Variants in PPP4R1 observed in about 807,000 individuals in gnomAD.
PPP4R1 encodes protein phosphatase 4 regulatory subunit 1, also known as serine/threonine-protein phosphatase 4 regulatory subunit 1.
PPP4R1 carries 42 observed loss-of-function variants against 111.2 expected under a neutral mutation model. The ratio of observed to expected loss-of-function variants is 0.38; its 90% CI spans 0.29 to 0.49. PPP4R1 has a LOEUF of 0.49. Ranked by LOEUF, PPP4R1 falls within the 20% of genes least tolerant of loss-of-function variation. The probability of loss-of-function intolerance (pLI) is 0.97; values close to 1 mark genes in which losing one functional copy is unlikely to be tolerated. For missense variants in PPP4R1, 1,012 were observed against 1,161.6 expected, an observed-to-expected ratio of 0.87 and a Z score of 1.87; for synonymous variants, 409 against 405.5, an observed-to-expected ratio of 1.01 and a Z score of -0.10.
intron 16 of PPP4R1, among the ~76,000 whole-genome samples, chr18:9,552,509 G>C (rs1043707893): frequency 6.6e-6 from 1 of 152,126 alleles, no homozygotes; most frequent in African/African-American, 2.4e-5. Flanking sequence ...TTAAAATTTA[G>C]TAGAAAAATA....
chr18:9,550,020 T>A (rs752358313), intron 18 of PPP4R1, 32 bp downstream of exon 18: 2 of 1,613,486 alleles, frequency 1.2e-6, no homozygotes, highest in South Asian at 2.2e-5. Flanking sequence ...GGAGAAAAAC[T>A]CACAAACAGG....
chr18:9,548,280 TAC>T (rs2066430701), intron 19 of PPP4R1, among the ~76,000 whole-genome samples: 1 of 139,114 alleles, frequency 7.2e-6, no homozygotes. Flanking sequence ...AAACACCAAC[TAC>T]AAAAAAAAAA....
At chr18:9,613,781 C>T (rs2067628000) in intron 2 of PPP4R1, 1 of 152,696 alleles carries the variant, frequency 6.5e-6, no homozygotes, top group African/African-American at 2.4e-5. Flanking sequence ...CAGGCTGACC[C>T]CCGGGCGCTC....
In PPP4R1 at chr18:9,614,147, G is replaced by A. The variant is rs1224111905; in HGVS notation, c.52+79C>T. The A allele has an allele frequency of 9.3e-6, 11 of 1,180,980 alleles. No individual in the cohort carries two copies. The highest frequency in any genetic ancestry group is 1.6e-5 in the African/African-American group (1 of 61,128). The allele number at this position is 1,180,980 out of a possible 1,614,324, so 73.2% of individuals were successfully genotyped here. On this transcript the variant is annotated intron_variant, in intron 2 of 19. Coordinates refer to ENST00000400556, the MANE Select transcript of PPP4R1 (RefSeq NM_001042388.3). This position sits in a 1 kb window ranked among gnomAD's most constrained non-coding sequence, Gnocchi z 4.1. ...CCGTCCCCTCAGCCAGCCAGGGCCCGGCCCAGGCCTCGCCGCCGCCCGCCC... is the reference window on the plus strand; with the variant it reads ...CCGTCCCCTCAGCCAGCCAGGGCCCAGCCCAGGCCTCGCCGCCGCCCGCCC...
intron 11 of PPP4R1, 114 bp from the exon 12 acceptor site, chr18:9,563,664 T>A: frequency 9.9e-7 from 1 of 1,013,292 alleles, no homozygotes; most frequent in East Asian, 2.9e-5. Flanking sequence ...TTTTTGACAC[T>A]GCAATCAAAA....
chr18:9,552,169 A>G (rs2066499743), intron 16 of PPP4R1, among the ~76,000 whole-genome samples: 1 of 152,200 alleles, frequency 6.6e-6, no homozygotes, highest in Admixed American at 6.5e-5. Flanking sequence ...TATAATCCAG[A>G]ATATATAAAG....
At chr18:9,577,294 T>C (rs961147125) in intron 9 of PPP4R1, 103 bp from the exon 10 acceptor site, 49 of 1,250,488 alleles carry the variant, frequency 3.9e-5, no homozygotes, top group Admixed American at 5.8e-5. Flanking sequence ...TGCCGAAGTA[T>C]GTTTAGGATA....
intron 9 of PPP4R1, 54 bp downstream of exon 9, chr18:9,583,063 C>T: frequency 6.9e-7 from 1 of 1,444,250 alleles, no homozygotes; most frequent in Non-Finnish European, 9.3e-7. Context: ...ATTATGTTTG[C>T]TTTAAAACGG....
chr18:9,563,213 G>A, intron 12 of PPP4R1, 165 bp downstream of exon 12: 1 of 1,196,976 alleles, frequency 8.4e-7, no homozygotes, highest in Non-Finnish European at 1.1e-6. Flanking sequence ...AATGTCACGA[G>A]GACAGGATGT....
At chr18:9,614,938 C>G (rs1259311124), upstream of PPP4R1, 1 of 151,866 alleles carries the variant, frequency 6.6e-6, no homozygotes, top group South Asian at 2.1e-4. This position sits in a 1 kb window ranked among gnomAD's most constrained non-coding sequence, Gnocchi z 4.1. Context: ...TCACCGGCCT[C>G]GCCCACCGCC....
At chr18:9,570,062 T>C (rs2066834230) in intron 11 of PPP4R1, 95 bp downstream of exon 11, 5 of 1,355,438 alleles carry the variant, frequency 3.7e-6, no homozygotes, top group Non-Finnish European at 4.9e-6. Flanking sequence ...TAATACATTA[T>C]TAAATGACAA....
Position 9,546,894 on chromosome 18 carries a change from G to A in PPP4R1, c.*895C>T, listed in dbSNP as rs552761182. ...GTAGACATCTAGAAAACAATCAAAA[G>A]TGTATATATCTCTCTCTATAGATCT... is the stretch of plus-strand genomic sequence containing the variant. On this transcript the variant is annotated 3_prime_UTR_variant, in exon 20 of 20. Transcript: ENST00000400556. The A allele has an allele frequency of 6.6e-6, 1 of 152,308 alleles. No homozygotes were observed. The highest frequency in any genetic ancestry group is 1.5e-5 in the Non-Finnish European group (1 of 68,024). 9.4% of individuals were successfully genotyped at this position (152,308 alleles called of 1,614,324 possible). A position where few individuals can be genotyped will look rare whatever the true frequency, so the allele number is the denominator to read the frequency against.
Position 9,561,999 on chromosome 18 carries a change from T to G in PPP4R1, c.1823A>C (p.Glu608Ala), listed in dbSNP as rs201927969. 41 of 1,611,834 alleles carry G rather than the reference T, an allele frequency of 2.5e-5. No homozygotes were observed. The South Asian group carries it at 4.5e-4, about 18-fold the overall frequency. Residue 608 changes from glutamate (E) to alanine (A), a missense_variant, in exon 13 of 20, where the codon GAA becomes GCA. Glu to Ala is a moderately radical substitution (Grantham distance 107). This residue lies in a region of PPP4R1 where 707 missense variants were observed against 742.1 expected (regional missense o/e 0.95). Coordinates refer to ENST00000400556, the MANE Select transcript of PPP4R1 (RefSeq NM_001042388.3). ...ACTTACTTGTACTTTAGTTCTCCTT[T>G]CCTCATCAGGGCTAAAACTGCTATT... ...SNNSSFSPDEERRTKVQDVVP... is the reference protein window; with the variant it reads ...SNNSSFSPDEARRTKVQDVVP...
rs557666615 is a variant in PPP4R1, at chr18:9,602,563, T to C, written c.53-7410A>G. On this transcript the variant is annotated intron_variant, in intron 2 of 19. Coordinates refer to ENST00000400556, the MANE Select transcript of PPP4R1 (RefSeq NM_001042388.3). ...TCTGTCTCAAAAAAAAAAAAAAAAC[T>C]TGCACCTTTCCTTTAGCCATGCGCA... 1.3e-3 allele frequency among the ~76,000 whole-genome samples: 179 copies of C among 139,050 alleles called. 1 individual carries two copies. Among genetic ancestry groups the C allele is most frequent in the African/African-American group, 4.7e-3 (172 of 36,300 alleles). The allele number at this position is 139,050 out of a possible 152,430, so 91.2% of individuals were successfully genotyped here. A position where few individuals can be genotyped will look rare whatever the true frequency, so the allele number is the denominator to read the frequency against.
upstream of PPP4R1, among the ~76,000 whole-genome samples, chr18:9,616,587 T>C (rs988049841): frequency 3.3e-5 from 5 of 152,186 alleles, no homozygotes; most frequent in African/African-American, 9.7e-5. Flanking sequence ...ATCAGCTCTT[T>C]ATTCTAACTG....
At position 9,570,545 on chromosome 18, in the gene PPP4R1, T is replaced by C. The variant is rs2066845030; in HGVS notation, c.1185A>G (p.Leu395=). The C allele has an allele frequency of 6.2e-7, 1 of 1,614,196 alleles. No individual in the cohort carries two copies. The highest frequency in any genetic ancestry group is 8.5e-7 in the Non-Finnish European group (1 of 1,180,028). Residue 395 remains leucine (L), a synonymous_variant, in exon 11 of 20, where the codon CTA becomes CTG. Transcript: ENST00000400556. ...TGTCCAGTGGAACACTAATTTCACC[T>C]AGAGGCTTCCCGGATGCCTCAGCAG... ...DHAAEASGKP[L]GEISVPLDSS...
chr18:9,571,142 C>T (rs186021254), intron 10 of PPP4R1, among the ~76,000 whole-genome samples: 83 of 152,262 alleles, frequency 5.5e-4, no homozygotes, highest in African/African-American at 1.8e-3. Context: ...GCTTACATTA[C>T]ACAAGGAAAA....
In PPP4R1 at chr18:9,600,896, A is replaced by G. The variant is rs1039801853; in HGVS notation, c.53-5743T>C. On this transcript the variant is annotated intron_variant, in intron 2 of 19. Transcript: ENST00000400556. The stretch of plus-strand genomic sequence containing the variant: ...AATGTCTCAAAAAAAGAAAAAAGAA[A>G]AAAAGCTGGAGTGGCTATATTATTA... 1.9e-4 allele frequency among the ~76,000 whole-genome samples: 29 copies of G among 152,150 alleles called. 1 individual carries two copies. Among genetic ancestry groups the G allele is most frequent in the African/African-American group, 3.9e-4 (16 of 41,438 alleles).
At chr18:9,556,577 TA>T (rs2066589672) in intron 15 of PPP4R1, among the ~76,000 whole-genome samples, 1 of 152,158 alleles carries the variant, frequency 6.6e-6, no homozygotes, top group African/African-American at 2.4e-5. Context: ...GGCTAAAGTC[TA>T]AAAACAACAA....
Sources: gnomAD v4.1 joint callset for allele counts (sites outside exome capture counted in the v4.1 genomes callset) on GRCh38, gnomAD v4.1.1 for gene constraint, gnomAD v4.1.1 regional missense constraint, Gnocchi (gnomAD v3.1) non-coding constraint, MANE v1.5 for transcripts, NCBI Gene and HGNC (gene_info 2026-07-23, HGNC 2026-07-21) for gene names.